Variants in ATP8A2 observed in about 807,000 individuals in gnomAD.
ATP8A2 encodes phospholipid-transporting ATPase IB.
In ATP8A2, 100 loss-of-function variants were observed where a neutral mutation model predicts 165.6. The observed-to-expected ratio is 0.60, with a 90% CI of 0.51 to 0.71. The LOEUF (loss-of-function observed/expected upper bound fraction) is 0.71. ATP8A2 is among the 30% of genes least tolerant of loss of function. The probability of loss-of-function intolerance (pLI) is 0.00; values close to 1 mark genes in which losing one functional copy is unlikely to be tolerated. For missense variants in ATP8A2, 1,227 were observed against 1,479.5 expected, an observed-to-expected ratio of 0.83 and a Z score of 2.80; for synonymous variants, 543 against 548.8, an observed-to-expected ratio of 0.99 and a Z score of 0.15.
rs181909858 is a variant in ATP8A2, at chr13:25,499,518, G to A, written c.221+30397G>A. 1.6e-3 allele frequency among the ~76,000 whole-genome samples: 245 copies of A among 152,302 alleles called. 1 individual carries two copies. The highest frequency in any genetic ancestry group is 5.7e-3 in the African/African-American group (235 of 41,572). ...GCCAGTCAACACCTTCTTCGAGAGC[G>A]TTTCCACCTCTGTAAGTTGGTGCTC... On this transcript the variant is annotated intron_variant, in intron 2 of 36. Transcript: ENST00000381655.
intron 27 of ATP8A2, among the ~76,000 whole-genome samples, chr13:25,796,401 T>C (rs1566147144): frequency 6.6e-6 from 1 of 152,206 alleles, no homozygotes; most frequent in Non-Finnish European, 1.5e-5. Flanking sequence ...GTGTGTTGTT[T>C]ATTACCTCCA....
At chr13:25,729,048 CCT>C (rs945774921) in intron 25 of ATP8A2, among the ~76,000 whole-genome samples, 7 of 151,938 alleles carry the variant, frequency 4.6e-5, no homozygotes, top group East Asian at 1.9e-4. Flanking sequence ...TTTCTCTCCA[CCT>C]CTCTCTCCCT....
intron 35 of ATP8A2, among the ~76,000 whole-genome samples, chr13:25,989,450 T>C (rs542253821): frequency 6.6e-6 from 1 of 152,340 alleles, no homozygotes; most frequent in Non-Finnish European, 1.5e-5. Context: ...AAGTTCACAT[T>C]CAAATAATTA....
Position 26,024,420 on chromosome 13 carries a change from G to C in ATP8A2, c.*4435G>C, listed in dbSNP as rs930736582. On this transcript the variant is annotated 3_prime_UTR_variant, in exon 37 of 37. Transcript: ENST00000381655. ...GTCTGTAACTAATGTTCTGTTTAAA[G>C]CTCTCTTAATTTGTTGGCTATGAGT... 2 of 152,054 alleles carry C rather than the reference G, an allele frequency of 1.3e-5. No homozygotes were observed. The highest frequency in any genetic ancestry group is 2.9e-5 in the Non-Finnish European group (2 of 68,052). 9.4% of individuals were successfully genotyped at this position (152,054 alleles called of 1,614,324 possible). A position where few individuals can be genotyped will look rare whatever the true frequency, so the allele number is the denominator to read the frequency against.
chr13:25,480,565 G>A (rs61947640), intron 2 of ATP8A2, among the ~76,000 whole-genome samples: 3 of 150,824 alleles, frequency 2.0e-5, no homozygotes, highest in African/African-American at 4.9e-5. Flanking sequence ...ATGGGCGGCC[G>A]GGCAGAGACG....
chr13:25,549,586 A>G (rs922932290), intron 10 of ATP8A2, among the ~76,000 whole-genome samples: 3 of 151,818 alleles, frequency 2.0e-5, no homozygotes, highest in African/African-American at 7.3e-5. Flanking sequence ...TTTCACCCCC[A>G]GGAATGGATT....
chr13:25,393,895 G>A (rs1304832894), intron 1 of ATP8A2, among the ~76,000 whole-genome samples: 5 of 152,170 alleles, frequency 3.3e-5, no homozygotes, highest in African/African-American at 4.8e-5. Context: ...GGTAGACTGA[G>A]GTTGAATCTT....
intron 6 of ATP8A2, 55 bp from the exon 7 acceptor site, chr13:25,537,933 G>T: frequency 8.1e-7 from 1 of 1,229,312 alleles, no homozygotes; most frequent in Non-Finnish European, 1.2e-6. Context: ...TTTTCACCAT[G>T]TGTGTTTTGT....
Position 25,469,129 on chromosome 13 carries a change from A to G in ATP8A2, c.221+8A>G. 1 of 1,613,432 alleles carries G rather than the reference A, an allele frequency of 6.2e-7. No homozygotes were observed. Among genetic ancestry groups the G allele is most frequent in the Non-Finnish European group, 8.5e-7 (1 of 1,179,616 alleles). Reference sequence around the variant, plus strand: ...CCGCGACAACCAGATCAGGTAGGAGAAGGCGGCCGGCTCGCGCGGAAGGCG... The same window carrying G: ...CCGCGACAACCAGATCAGGTAGGAGGAGGCGGCCGGCTCGCGCGGAAGGCG... On this transcript the variant is annotated splice_region_variant and intron_variant, in intron 2 of 36. Coordinates refer to ENST00000381655, the MANE Select transcript of ATP8A2 (RefSeq NM_016529.6).
chr13:25,680,119 C>A (rs561521429), intron 24 of ATP8A2, among the ~76,000 whole-genome samples: 1 of 152,054 alleles, frequency 6.6e-6, no homozygotes, highest in Non-Finnish European at 1.5e-5. Context: ...TGGGTTGGAT[C>A]GCATCCTTGA....
intron 2 of ATP8A2, among the ~76,000 whole-genome samples, chr13:25,484,945 T>G (rs987904348): frequency 1.3e-5 from 2 of 152,238 alleles, no homozygotes; most frequent in Non-Finnish European, 2.9e-5. Context: ...AGTTTAAAAA[T>G]AGAGCTCTTT....
intron 27 of ATP8A2, among the ~76,000 whole-genome samples, chr13:25,815,341 A>G (rs539033231): frequency 6.6e-6 from 1 of 152,328 alleles, no homozygotes; most frequent in African/African-American, 2.4e-5. Flanking sequence ...AAGAGCTCCT[A>G]AACACAACAG....
intron 33 of ATP8A2, among the ~76,000 whole-genome samples, chr13:25,867,601 G>C (rs1434245161): frequency 6.6e-6 from 1 of 152,172 alleles, no homozygotes; most frequent in Non-Finnish European, 1.5e-5. Flanking sequence ...GGTGCCTAGT[G>C]TGTATTCACT....
At position 25,862,411 on chromosome 13, in the gene ATP8A2, A is replaced by G; in HGVS notation, c.3183+3A>G. ...TTGCTCCAGATATGAGAGGACAGGT[A>G]AGTACTCCTGATTGGGAGTGTGTCT... On this transcript the variant is annotated splice_donor_region_variant and intron_variant, in intron 33 of 36. Coordinates refer to ENST00000381655, the MANE Select transcript of ATP8A2 (RefSeq NM_016529.6). 1 of 1,605,770 alleles carries G rather than the reference A, an allele frequency of 6.2e-7. No homozygotes were observed.
chr13:25,465,558 A>ATTT lies in ATP8A2; in HGVS notation c.77-3408_77-3406dup, dbSNP rs35250359. On this transcript the variant is annotated intron_variant, in intron 1 of 36. Coordinates refer to ENST00000381655, the MANE Select transcript of ATP8A2 (RefSeq NM_016529.6). ...TTATTGTTCCTGTTATTTATCAGTG[A>ATTT]TTTTTTTTTTTTTGTCCCAGTCTTC... Among the ~76,000 whole-genome samples, 360 of 140,440 alleles carry ATTT rather than the reference A, an allele frequency of 2.6e-3. 5 individuals are homozygous for ATTT. Among genetic ancestry groups the ATTT allele is most frequent in the African/African-American group, 7.7e-3 (294 of 38,180 alleles). The allele number at this position is 140,440 out of a possible 152,430, so 92.1% of individuals were successfully genotyped here.
At chr13:25,562,168 C>T (rs1367983153) in intron 15 of ATP8A2, among the ~76,000 whole-genome samples, 1 of 152,090 alleles carries the variant, frequency 6.6e-6, no homozygotes, top group African/African-American at 2.4e-5. Context: ...TATGGTAATT[C>T]TGTGTTTGAC....
At chr13:25,662,406 CT>C (rs2042068972) in intron 24 of ATP8A2, among the ~76,000 whole-genome samples, 1 of 152,170 alleles carries the variant, frequency 6.6e-6, no homozygotes, top group Non-Finnish European at 1.5e-5. Flanking sequence ...TTAAGCCTAA[CT>C]TTTGACTGAT....
chr13:25,765,437 C>A (rs1048113366), intron 25 of ATP8A2, among the ~76,000 whole-genome samples: 7 of 152,162 alleles, frequency 4.6e-5, no homozygotes, highest in African/African-American at 1.4e-4. Flanking sequence ...TGCTTCCTGG[C>A]AACTTGGTAT....
intron 3 of ATP8A2, among the ~76,000 whole-genome samples, 181 bp downstream of exon 3, chr13:25,530,279 T>C (rs1192982532): frequency 6.6e-6 from 1 of 152,202 alleles, no homozygotes; most frequent in Non-Finnish European, 1.5e-5. Flanking sequence ...TCTTTTGGTA[T>C]GGCCTTGAGG....
Sources: allele counts gnomAD v4.1 joint callset (sites outside exome capture counted in the v4.1 genomes callset), GRCh38; gene constraint gnomAD v4.1.1; transcripts MANE v1.5; gene names NCBI Gene and HGNC (gene_info 2026-07-23, HGNC 2026-07-21).